The following PTPRT variants were observed in gnomAD, a reference collection of about 807,000 sequenced individuals.
PTPRT encodes protein tyrosine phosphatase receptor type T, also known as receptor-type tyrosine-protein phosphatase T.
A neutral mutation model predicts 176.8 loss-of-function variants in PTPRT; 56 were observed. The observed-to-expected ratio is 0.32, with a 90% CI of 0.26 to 0.40. The LOEUF (loss-of-function observed/expected upper bound fraction) is 0.40, where lower values mean the gene tolerates loss of function less well. Ranked by LOEUF, PTPRT falls within the 10% of genes least tolerant of loss-of-function variation. The pLI is 1.00. For missense variants in PTPRT, 1,540 were observed against 1,908.2 expected (o/e 0.81, Z 3.60); for synonymous variants, 783 against 739.0 (o/e 1.06, Z -0.96).
At chr20:42,340,617 C>T (rs1600857802) in intron 11 of PTPRT, among the ~76,000 whole-genome samples, 1 of 152,184 alleles carries the variant, frequency 6.6e-6, no homozygotes, top group East Asian at 1.9e-4. Flanking sequence ...GAGCAAACCT[C>T]CTTGGATTCT....
intron 1 of PTPRT, among the ~76,000 whole-genome samples, chr20:42,901,057 T>C (rs931563843): frequency 1.3e-5 from 2 of 152,208 alleles, no homozygotes; most frequent in African/African-American, 4.8e-5. Context: ...CCGTCACAGC[T>C]GTAGATCATG....
chr20:42,247,254 G>A (rs2056468049), intron 14 of PTPRT, among the ~76,000 whole-genome samples: 1 of 152,126 alleles, frequency 6.6e-6, no homozygotes, highest in Admixed American at 6.5e-5. Context: ...TTAATGCCCT[G>A]GCCAGAGGCT....
At chr20:43,040,483 A>T (rs1348285638) in intron 1 of PTPRT, among the ~76,000 whole-genome samples, 1 of 152,234 alleles carries the variant, frequency 6.6e-6, no homozygotes, top group African/African-American at 2.4e-5. Flanking sequence ...TATAACAGCC[A>T]ATACTTACTA....
chr20:43,178,115 G>GA (rs2015162623), intron 1 of PTPRT, among the ~76,000 whole-genome samples: 2 of 152,320 alleles, frequency 1.3e-5, no homozygotes, highest in Admixed American at 1.3e-4. Context: ...CTCACAAGTT[G>GA]AAAACCATAC....
At chr20:42,607,487 C>T (rs1002207198) in intron 7 of PTPRT, 3 of 152,126 alleles carry the variant, frequency 2.0e-5, no homozygotes, top group African/African-American at 7.2e-5. Context: ...TGGGACTGCA[C>T]AGAAATATAT....
intron 7 of PTPRT, among the ~76,000 whole-genome samples, chr20:42,674,657 T>A (rs890543615): frequency 3.3e-5 from 5 of 152,230 alleles, no homozygotes; most frequent in African/African-American, 1.2e-4. Context: ...TAGTAACATA[T>A]CATTATGTCC....
intron 6 of PTPRT, among the ~76,000 whole-genome samples, chr20:42,712,218 G>C (rs2076155307): frequency 6.6e-6 from 1 of 152,130 alleles, no homozygotes; most frequent in African/African-American, 2.4e-5. Context: ...CAGGTGCCAA[G>C]ATAGTCCCTT....
At chr20:42,248,434 C>T (rs41503948) in intron 14 of PTPRT, among the ~76,000 whole-genome samples, 1,647 of 152,290 alleles carry the variant, frequency 0.011, 31 homozygotes, top group African/African-American at 0.038. Context: ...CATGGCACAT[C>T]GCGGTGGCCC....
At chr20:43,015,698 C>T (rs1985333102) in intron 1 of PTPRT, among the ~76,000 whole-genome samples, 1 of 152,122 alleles carries the variant, frequency 6.6e-6, no homozygotes, top group Non-Finnish European at 1.5e-5. Flanking sequence ...CTGGGCTAGA[C>T]TCCATGCTCT....
At chr20:42,972,142 C>T (rs2146066295) in intron 1 of PTPRT, among the ~76,000 whole-genome samples, 1 of 144,480 alleles carries the variant, frequency 6.9e-6, no homozygotes, top group South Asian at 2.3e-4. Context: ...TCATGGAATG[C>T]CATGCCTCCC....
intron 7 of PTPRT, among the ~76,000 whole-genome samples, chr20:42,591,619 A>G (rs2073576317): frequency 6.6e-6 from 1 of 152,288 alleles, no homozygotes; most frequent in East Asian, 1.9e-4. Flanking sequence ...GAAAAAACAC[A>G]TCACCACTTT....
intron 7 of PTPRT, among the ~76,000 whole-genome samples, chr20:42,617,946 C>T (rs1186874480): frequency 1.5e-5 from 2 of 137,338 alleles, no homozygotes; most frequent in Non-Finnish European, 3.1e-5. Context: ...TCCTTCAGTT[C>T]TGCTCTGATT....
At chr20:42,504,432 A>G (rs144516773) in intron 7 of PTPRT, among the ~76,000 whole-genome samples, 5 of 152,184 alleles carry the variant, frequency 3.3e-5, no homozygotes, top group African/African-American at 9.6e-5. Flanking sequence ...TTATGTGCAT[A>G]CAGGTTTAGA....
At chr20:42,786,562 C>T (rs2077293501) in intron 3 of PTPRT, among the ~76,000 whole-genome samples, 1 of 152,172 alleles carries the variant, frequency 6.6e-6, no homozygotes, top group Admixed American at 6.5e-5. Context: ...GCACAGATCT[C>T]ATGCCTCTCA....
chr20:42,543,327 T>G (rs1012750013), intron 7 of PTPRT, among the ~76,000 whole-genome samples: 1 of 152,208 alleles, frequency 6.6e-6, no homozygotes, highest in Non-Finnish European at 1.5e-5. Flanking sequence ...TTACCAGTGT[T>G]TACAGCATCT....
intron 1 of PTPRT, among the ~76,000 whole-genome samples, chr20:43,123,837 C>T (rs549843859): frequency 6.6e-6 from 1 of 152,302 alleles, no homozygotes; most frequent in East Asian, 1.9e-4. Context: ...TAAGGCAAGT[C>T]ACTTCAGTTC....
At chr20:42,599,982 T>G (rs1362844294) in intron 7 of PTPRT, among the ~76,000 whole-genome samples, 1 of 152,162 alleles carries the variant, frequency 6.6e-6, no homozygotes, top group East Asian at 1.9e-4. Flanking sequence ...CTCTTTGTGT[T>G]GTCCTCTCAG....
chr20:42,335,088 CAT>C (rs772011556), intron 11 of PTPRT, among the ~76,000 whole-genome samples: 1 of 152,118 alleles, frequency 6.6e-6, no homozygotes, highest in Non-Finnish European at 1.5e-5. Flanking sequence ...ATTGCAAAGA[CAT>C]GTGAGTAAGA....
intron 2 of PTPRT, among the ~76,000 whole-genome samples, chr20:42,828,536 T>C (rs12480562): frequency 0.14 from 20,621 of 152,080 alleles, 1,813 homozygotes; most frequent in Non-Finnish European, 0.19. Flanking sequence ...GTGAAAGACC[T>C]TCACAGTAGC....
Sources: allele counts gnomAD v4.1 joint callset (sites outside exome capture counted in the v4.1 genomes callset), GRCh38; gene constraint gnomAD v4.1.1; transcripts MANE v1.5; gene names NCBI Gene and HGNC (gene_info 2026-07-23, HGNC 2026-07-21).